The following COL5A2 variants were observed in gnomAD, a reference collection of about 807,000 sequenced individuals.
COL5A2 encodes collagen type V alpha 2 chain.
COL5A2 carries 23 observed loss-of-function variants against 208.2 expected under a neutral mutation model. The ratio of observed to expected loss-of-function variants is 0.11; its 90% CI spans 0.08 to 0.16. The LOEUF is 0.16. COL5A2 is among the 10% of genes least tolerant of loss of function. The pLI is 1.00. For synonymous variants in COL5A2, 625 were observed against 628.5 expected (o/e 0.99, Z 0.08); for missense variants, 1,590 against 1,956.4 (o/e 0.81, Z 3.53).
chr2:189,437,416 GACACTGCTGTTGCTGGTCCACGGACC>G, the COL5A2 span, among the ~76,000 whole-genome samples: 2 of 152,202 alleles, frequency 1.3e-5, no homozygotes, highest in African/African-American at 2.4e-5. Context: ...GCTCCCAGGT[GACACTGCTGTTGCTGGTCCACGGACC>G]ACACTTTGTG....
the COL5A2 span, among the ~76,000 whole-genome samples, chr2:189,251,894 G>A: frequency 1.3e-5 from 2 of 151,998 alleles, no homozygotes; most frequent in African/African-American, 4.8e-5. Context: ...AATCTACAAA[G>A]AGCTCAAACA....
At chr2:189,086,287 T>TTAAAAGCA (rs1686660476) in intron 9 of COL5A2, among the ~76,000 whole-genome samples, 1 of 152,244 alleles carries the variant, frequency 6.6e-6, no homozygotes, top group Non-Finnish European at 1.5e-5. Flanking sequence ...GATAGGCATT[T>TTAAAAGCA]TAAAAGCATA....
In COL5A2 at chr2:189,092,323, T is replaced by C. The variant is rs772389221; in HGVS notation, c.554A>G (p.Asp185Gly). The change falls in exon 7 of 54, where the codon GAT (aspartate) becomes GGT (glycine). Residue 185 changes from aspartate to glycine, a missense_variant. Asp to Gly is a moderately conservative substitution (Grantham distance 94). Transcript: ENST00000374866. ...CACACAACTCACCCTGCTCAAGCCA[T>C]CGGGTCCTGGGTGGGACGGATGTCC... Reference protein sequence around the residue: ...PPGHPSHPGPDGLSRPFSAQM... With the variant: ...PPGHPSHPGPGGLSRPFSAQM... The C allele has an allele frequency of 1.6e-5, 25 of 1,606,614 alleles. No individual in the cohort carries two copies. The highest frequency in any genetic ancestry group is 2.0e-5 in the Non-Finnish European group (23 of 1,175,748).
At chr2:189,110,964 A>C (rs760206115) in intron 1 of COL5A2, among the ~76,000 whole-genome samples, 2 of 152,164 alleles carry the variant, frequency 1.3e-5, no homozygotes, top group Non-Finnish European at 2.9e-5. Flanking sequence ...TTTTTATTAA[A>C]ATTATTTTTA....
intron 6 of COL5A2, among the ~76,000 whole-genome samples, chr2:189,092,966 T>A (rs1686819991): frequency 6.6e-6 from 1 of 152,216 alleles, no homozygotes; most frequent in African/African-American, 2.4e-5. Flanking sequence ...TACATGCATA[T>A]TATATTGTTA....
intron 19 of COL5A2, among the ~76,000 whole-genome samples, chr2:189,068,506 G>A (rs891356057): frequency 1.3e-5 from 2 of 152,038 alleles, no homozygotes; most frequent in African/African-American, 4.8e-5. Flanking sequence ...CACTCATTCA[G>A]AATTCAGAGA....
At chr2:189,146,505 T>G (rs886935177) in intron 1 of COL5A2, among the ~76,000 whole-genome samples, 1 of 152,104 alleles carries the variant, frequency 6.6e-6, no homozygotes, top group Non-Finnish European at 1.5e-5. Context: ...TGAGCAGGAA[T>G]TGATGAAGGT....
the COL5A2 span, among the ~76,000 whole-genome samples, chr2:189,397,586 T>C: frequency 1.3e-5 from 2 of 149,472 alleles, no homozygotes; most frequent in Non-Finnish European, 1.5e-5. Flanking sequence ...TTCATCTATA[T>C]TTTCAAATTT....
chr2:189,065,156 GC>G, intron 23 of COL5A2, 99 bp from the exon 24 acceptor site: 1 of 1,122,828 alleles, frequency 8.9e-7, no homozygotes, highest in Non-Finnish European at 1.3e-6. Flanking sequence ...AGTTTTAGGA[GC>G]CATCATCAAG....
chr2:189,144,544 ATATGT>A (rs964359708), intron 1 of COL5A2, among the ~76,000 whole-genome samples: 9 of 151,598 alleles, frequency 5.9e-5, no homozygotes, highest in Admixed American at 4.6e-4. Flanking sequence ...ACATACATAT[ATATGT>A]TATATGTATA....
At chr2:189,145,049 T>C (rs556016486) in intron 1 of COL5A2, among the ~76,000 whole-genome samples, 1 of 152,262 alleles carries the variant, frequency 6.6e-6, no homozygotes, top group Non-Finnish European at 1.5e-5. Flanking sequence ...ACAACCAGAA[T>C]TGCCTTCAGA....
the COL5A2 span, among the ~76,000 whole-genome samples, chr2:189,410,277 A>G: frequency 6.6e-6 from 1 of 152,218 alleles, no homozygotes; most frequent in Non-Finnish European, 1.5e-5. Flanking sequence ...TTTAGTCATC[A>G]AACTTGGCCA....
intron 1 of COL5A2, among the ~76,000 whole-genome samples, chr2:189,214,033 A>C (rs1689248493): frequency 6.6e-6 from 1 of 152,206 alleles, no homozygotes; most frequent in South Asian, 2.1e-4. Context: ...TACCTAGTGT[A>C]AACTAAGATG....
Position 189,098,758 on chromosome 2 carries a change from A to G in COL5A2, c.371T>C (p.Val124Ala), listed in dbSNP as rs745971216. The part of the protein sequence containing the change: ...QKGEPGLVPV[V>A]TGIRGRPGPA... Reference sequence around the variant, plus strand: ...TCCTGGACGACCACGTATGCCTGTTACCTAAACAATAAACAAGAAAATTTG... The same window carrying G: ...TCCTGGACGACCACGTATGCCTGTTGCCTAAACAATAAACAAGAAAATTTG... Residue 124 changes from valine (V) to alanine (A), a missense_variant and splice_region_variant, in exon 5 of 54, where the codon GTA (valine) becomes GCA (alanine). Coordinates refer to ENST00000374866, the MANE Select transcript of COL5A2 (RefSeq NM_000393.5). 1 of 1,612,724 alleles carries G rather than the reference A, an allele frequency of 6.2e-7. No homozygotes were observed. The highest frequency in any genetic ancestry group is 8.5e-7 in the Non-Finnish European group (1 of 1,178,874).
Position 189,085,885 on chromosome 2 carries a change from GCT to G in COL5A2, c.691-115_691-114del, listed in dbSNP as rs1428389476. 7.1e-6 allele frequency: 6 copies of G among 849,180 alleles called. No homozygotes were observed. In the African/African-American group the frequency reaches 1.0e-4, roughly 14 times the overall value. The allele number at this position is 849,180 out of a possible 1,614,324, so 52.6% of individuals were successfully genotyped here. A position where few individuals can be genotyped will look rare whatever the true frequency, so the allele number is the denominator to read the frequency against. On this transcript the variant is annotated intron_variant, in intron 9 of 53. Transcript: ENST00000374866. Reference sequence around the variant, plus strand: ...AGACAGTTGGCTCTGCCATCTTCCAGCTGTGTGACTTTGGGCAAGTTACTTAA... The same window carrying G: ...AGACAGTTGGCTCTGCCATCTTCCAGGTGTGACTTTGGGCAAGTTACTTAA...
intron 23 of COL5A2, 142 bp downstream of exon 23, chr2:189,066,248 T>C: frequency 1.2e-6 from 1 of 832,860 alleles, no homozygotes; most frequent in South Asian, 1.4e-5. Flanking sequence ...GTTGGCTCTT[T>C]CTATTTGCAC....
intron 6 of COL5A2, among the ~76,000 whole-genome samples, chr2:189,096,620 T>TAA (rs1576524201): frequency 1.4e-5 from 1 of 70,746 alleles, no homozygotes. Flanking sequence ...AGACTCCGTC[T>TAA]CAAAAAAAAA....
chr2:189,385,974 G>A, the COL5A2 span, among the ~76,000 whole-genome samples: 3 of 152,158 alleles, frequency 2.0e-5, no homozygotes, highest in Admixed American at 1.3e-4. Flanking sequence ...CATGGCAGAA[G>A]GTGAATGAGG....
chr2:189,142,741 G>A (rs1687957963), intron 1 of COL5A2, among the ~76,000 whole-genome samples: 1 of 151,796 alleles, frequency 6.6e-6, no homozygotes, highest in Admixed American at 6.6e-5. Context: ...TTCTTAAATG[G>A]CCCTTCAATT....
Sources: gnomAD v4.1 joint callset for allele counts (sites outside exome capture counted in the v4.1 genomes callset) on GRCh38, gnomAD v4.1.1 for gene constraint, MANE v1.5 for transcripts, NCBI Gene and HGNC (gene_info 2026-07-23, HGNC 2026-07-21) for gene names.